Variants in PTPRG observed in about 807,000 individuals in gnomAD.
The protein encoded by PTPRG is receptor-type tyrosine-protein phosphatase gamma.
Under a neutral mutation model 165.3 loss-of-function variants are expected in PTPRG, and 102 were observed. The observed-to-expected ratio is 0.62, with a 90% CI of 0.53 to 0.73. The LOEUF (loss-of-function observed/expected upper bound fraction) is 0.73. Among genes scored for constraint, PTPRG ranks in the 30% least tolerant of loss-of-function variants. PTPRG has a pLI of 0.00. For synonymous variants in PTPRG, 675 were observed against 669.5 expected (o/e 1.01, Z -0.13); for missense variants, 1,866 against 1,861.4 (o/e 1.00, Z -0.05).
chr3:61,730,715 T>C (rs2032457689), intron 1 of PTPRG, among the ~76,000 whole-genome samples: 1 of 152,192 alleles, frequency 6.6e-6, no homozygotes, highest in Admixed American at 6.5e-5. Flanking sequence ...AAGGTGACTC[T>C]AAGATGAGTG....
At chr3:61,952,118 G>GAAA (rs35655816) in intron 2 of PTPRG, among the ~76,000 whole-genome samples, 16 of 79,654 alleles carry the variant, frequency 2.0e-4, no homozygotes, top group Admixed American at 3.1e-4. Flanking sequence ...CTCCACCTCA[G>GAAA]AAAAAAAAAA....
At chr3:61,596,731 T>C (rs892759015) in intron 1 of PTPRG, among the ~76,000 whole-genome samples, 2 of 152,102 alleles carry the variant, frequency 1.3e-5, no homozygotes, top group African/African-American at 2.4e-5. Flanking sequence ...GAAAAGACAA[T>C]GAACAAAAAT....
intron 2 of PTPRG, among the ~76,000 whole-genome samples, chr3:61,828,177 T>G (rs766404217): frequency 2.1e-4 from 32 of 152,362 alleles, no homozygotes; most frequent in Admixed American, 3.9e-4. Context: ...CATAGTTTAT[T>G]TATTCTAAGC....
intron 1 of PTPRG, among the ~76,000 whole-genome samples, chr3:61,680,308 GGGTAGGT>G (rs1298487263): frequency 1.3e-5 from 2 of 152,052 alleles, no homozygotes; most frequent in Non-Finnish European, 2.9e-5. Context: ...GAGGGAAGCA[GGGTAGGT>G]GGAGGTGTGA....
In PTPRG at chr3:62,277,671, C is replaced by T; in HGVS notation, c.3757C>T (p.Gln1253Ter). The part of the protein sequence containing the change: ...AQIIVMLPDN[Q>*]SLAEDEFVYW... The stretch of plus-strand genomic sequence containing the variant: ...GATCATTGTCATGCTGCCAGACAAC[C>T]AGAGCTTGGTAAGTAAAGCACATCT... The change falls in exon 26 of 30, where the codon CAG (glutamine) becomes TAG (stop). Residue 1253 changes from glutamine to a stop codon, truncating the protein, a stop_gained. Transcript: ENST00000474889. LOFTEE classifies it high-confidence loss of function. The T allele has an allele frequency of 6.2e-7, 1 of 1,612,360 alleles. No homozygotes were observed. The highest frequency in any genetic ancestry group is 8.5e-7 in the Non-Finnish European group (1 of 1,179,160).
rs1408474321 is a variant in PTPRG, at chr3:62,203,208, C to A, written c.1413C>A (p.Ala471=). Residue 471 remains alanine (A), a synonymous_variant, in exon 12 of 30, where the codon GCC becomes GCA. Transcript: ENST00000474889. The surrounding 1 kb of genome is among the most constrained non-coding windows in gnomAD (Gnocchi z 6.4). ...TASPASSADM[A]PISSGSSTWT... is the part of the protein sequence containing the mutation. ...CTCCTGCCTCTTCAGCCGACATGGC[C>A]CCCATCAGCTCGGGGTCTTCTACCT... 1 of 1,608,144 alleles carries A rather than the reference C, an allele frequency of 6.2e-7. No individual in the cohort carries two copies. The highest frequency in any genetic ancestry group is 1.1e-5 in the South Asian group (1 of 90,540).
chr3:61,842,676 ATGTG>A (rs2036672630), intron 2 of PTPRG, among the ~76,000 whole-genome samples: 1 of 127,200 alleles, frequency 7.9e-6, no homozygotes, highest in Admixed American at 8.3e-5. Context: ...AGGGCAATGT[ATGTG>A]TGGCAAAAAA....
At chr3:61,879,967 A>G (rs1208950689) in intron 2 of PTPRG, among the ~76,000 whole-genome samples, 1 of 152,220 alleles carries the variant, frequency 6.6e-6, no homozygotes, top group African/African-American at 2.4e-5. Context: ...ACTACAGCCT[A>G]TGGTTTTTCA....
intron 2 of PTPRG, among the ~76,000 whole-genome samples, chr3:61,973,889 ACT>A (rs935235189): frequency 6.6e-6 from 1 of 151,848 alleles, no homozygotes; most frequent in Non-Finnish European, 1.5e-5. Context: ...AAAAAATAAA[ACT>A]CTCAGACATG....
At chr3:61,711,224 A>G (rs902249810) in intron 1 of PTPRG, among the ~76,000 whole-genome samples, 5 of 152,198 alleles carry the variant, frequency 3.3e-5, no homozygotes, top group East Asian at 1.9e-4. Context: ...TAGTGCCGCA[A>G]TAGACATATG....
At chr3:62,073,756 C>A (rs1701286246) in intron 4 of PTPRG, among the ~76,000 whole-genome samples, 1 of 152,206 alleles carries the variant, frequency 6.6e-6, no homozygotes, top group Non-Finnish European at 1.5e-5. Context: ...GCTGGGATTA[C>A]AGGTGTAAGC....
intron 3 of PTPRG, among the ~76,000 whole-genome samples, chr3:61,991,934 T>G (rs935460796): frequency 2.0e-5 from 3 of 152,208 alleles, no homozygotes; most frequent in Non-Finnish European, 1.5e-5. Flanking sequence ...AGAAGCTGAT[T>G]ATCAATCTGT....
chr3:61,657,123 G>A (rs532577786), intron 1 of PTPRG, among the ~76,000 whole-genome samples: 2 of 148,516 alleles, frequency 1.3e-5, no homozygotes, highest in South Asian at 4.1e-4. Context: ...TGGTGCCAAA[G>A]TATGATTGGA....
At chr3:62,082,511 T>A (rs1701615898) in intron 5 of PTPRG, among the ~76,000 whole-genome samples, 1 of 152,224 alleles carries the variant, frequency 6.6e-6, no homozygotes, top group African/African-American at 2.4e-5. Flanking sequence ...ACACAAAATG[T>A]CTTGATGATG....
At chr3:61,807,006 A>G (rs951423813) in intron 2 of PTPRG, among the ~76,000 whole-genome samples, 5 of 152,212 alleles carry the variant, frequency 3.3e-5, no homozygotes, top group Non-Finnish European at 7.3e-5. Context: ...TTATCTTGCC[A>G]TTTAAAAATT....
intron 4 of PTPRG, among the ~76,000 whole-genome samples, chr3:62,019,788 A>T (rs940545198): frequency 6.6e-6 from 1 of 152,216 alleles, no homozygotes; most frequent in Non-Finnish European, 1.5e-5. Context: ...AACTTAAAAA[A>T]ATTAAAAACA....
chr3:61,855,235 A>G lies in PTPRG; in HGVS notation c.190+106253A>G, dbSNP rs535976568. The stretch of plus-strand genomic sequence containing the variant: ...AAAAGTAATAGTATAGAAAGCTTTC[A>G]TAACTGGGCTCTTGTTCTAGATTAG... On this transcript the variant is annotated intron_variant, in intron 2 of 29. Coordinates refer to ENST00000474889, the MANE Select transcript of PTPRG (RefSeq NM_002841.4). 1.8e-4 allele frequency among the ~76,000 whole-genome samples: 28 copies of G among 152,308 alleles called. No individual in the cohort carries two copies. The South Asian group carries it at 5.0e-3, about 27-fold the overall frequency.
At chr3:62,108,999 G>A (rs998064800) in intron 5 of PTPRG, among the ~76,000 whole-genome samples, 4 of 151,776 alleles carry the variant, frequency 2.6e-5, no homozygotes, top group Non-Finnish European at 5.9e-5. Flanking sequence ...TAGGTTGCCT[G>A]TTCACCCTGA....
At chr3:62,079,296 AT>A (rs1701490918) in intron 5 of PTPRG, among the ~76,000 whole-genome samples, 2 of 152,296 alleles carry the variant, frequency 1.3e-5, no homozygotes, top group South Asian at 4.2e-4. Flanking sequence ...TCAGATGAAA[AT>A]TTGAAAAGCT....
Sources: allele counts gnomAD v4.1 joint callset (sites outside exome capture counted in the v4.1 genomes callset), GRCh38; gene constraint gnomAD v4.1.1; non-coding constraint Gnocchi (gnomAD v3.1); transcripts MANE v1.5; gene names NCBI Gene and HGNC (gene_info 2026-07-23, HGNC 2026-07-21).